UST: variants seen among roughly 807,000 people sequenced by gnomAD.
The protein encoded by UST is chondroitin sulfate 2-O-sulfotransferase.
UST carries 21 observed loss-of-function variants against 45.6 expected under a neutral mutation model. That is an observed-to-expected ratio of 0.46 (90% confidence interval 0.33 to 0.66). UST has a LOEUF of 0.66. Among genes scored for constraint, UST ranks in the 30% least tolerant of loss-of-function variants. UST has a pLI of 0.02. For missense variants in UST, 463 were observed against 512.4 expected, an observed-to-expected ratio of 0.90 and a Z score of 0.93; for synonymous variants, 215 against 200.6, an observed-to-expected ratio of 1.07 and a Z score of -0.61.
chr6:148,813,616 G>C (rs1198635536), intron 1 of UST, among the ~76,000 whole-genome samples: 4 of 152,164 alleles, frequency 2.6e-5, no homozygotes. Context: ...TCCTGACCTT[G>C]TGATCCACCC....
chr6:149,036,443 T>A (rs1364997212), intron 7 of UST, among the ~76,000 whole-genome samples: 1 of 152,234 alleles, frequency 6.6e-6, no homozygotes, highest in Non-Finnish European at 1.5e-5. Context: ...CAGCATTTTA[T>A]CCATCTTTTA....
intron 7 of UST, among the ~76,000 whole-genome samples, chr6:149,028,152 C>G (rs1776078033): frequency 6.6e-6 from 1 of 152,112 alleles, no homozygotes; most frequent in Admixed American, 6.6e-5. Flanking sequence ...CCTAGTATGT[C>G]ATAATGATTA....
rs186126719 is a variant in UST at position 149,017,505 on chromosome 6, C to T, written c.682-1634C>T. ...ACCACCAGAAAAAACTGCTTTCAAT[C>T]GTGTGCTGTGTCTCCTTCCAGATCC... On this transcript the variant is annotated intron_variant, in intron 5 of 7. Transcript: ENST00000367463. 3.5e-4 allele frequency among the ~76,000 whole-genome samples: 54 copies of T among 152,256 alleles called. No individual in the cohort carries two copies. The East Asian group carries it at 8.9e-3, about 25-fold the overall frequency.
At chr6:148,970,978 CAT>C (rs984156690) in intron 5 of UST, among the ~76,000 whole-genome samples, 4 of 152,320 alleles carry the variant, frequency 2.6e-5, no homozygotes, top group East Asian at 3.9e-4. Context: ...TACAAGGTAA[CAT>C]ATTCACAGGT....
intron 2 of UST, among the ~76,000 whole-genome samples, chr6:148,928,016 G>A (rs1408664615): frequency 6.6e-6 from 1 of 152,232 alleles, no homozygotes; most frequent in African/African-American, 2.4e-5. Context: ...GCCTGGAGGG[G>A]AGGTATTTGT....
chr6:148,995,270 G>T (rs565283713), intron 5 of UST, among the ~76,000 whole-genome samples: 1 of 152,144 alleles, frequency 6.6e-6, no homozygotes, highest in African/African-American at 2.4e-5. Context: ...TGATCCGCCC[G>T]CCTCGGCCTC....
intron 1 of UST, among the ~76,000 whole-genome samples, chr6:148,763,457 GTTGT>G (rs1376450815): frequency 6.6e-6 from 1 of 152,132 alleles, no homozygotes; most frequent in Admixed American, 6.6e-5. Flanking sequence ...CTTTCTGCAA[GTTGT>G]TTGTTTACTC....
Position 148,780,088 on chromosome 6 carries a change from T to TACAC in UST, c.247+32425_247+32428dup, listed in dbSNP as rs539630954. Among the ~76,000 whole-genome samples the TACAC allele has an allele frequency of 5.3e-5, 6 of 112,644 alleles. No homozygotes were observed. In the East Asian group the frequency reaches 1.7e-3, roughly 31 times the overall value. The allele number at this position is 112,644 out of a possible 152,430, so 73.9% of individuals were successfully genotyped here. A position where few individuals can be genotyped will look rare whatever the true frequency, so the allele number is the denominator to read the frequency against. On this transcript the variant is annotated intron_variant, in intron 1 of 7. Coordinates refer to ENST00000367463, the MANE Select transcript of UST (RefSeq NM_005715.3). ...ACAAATACATGTGTGTGTATATATA[T>TACAC]ACACACACACACACACAAATACATG...
intron 1 of UST, among the ~76,000 whole-genome samples, chr6:148,792,798 A>G (rs1193140557): frequency 6.6e-6 from 1 of 152,242 alleles, no homozygotes; most frequent in African/African-American, 2.4e-5. Context: ...CATGAATAGG[A>G]ACTCAAACAC....
At chr6:148,895,664 A>G (rs1345522298) in intron 2 of UST, among the ~76,000 whole-genome samples, 1 of 152,236 alleles carries the variant, frequency 6.6e-6, no homozygotes, top group African/African-American at 2.4e-5. Flanking sequence ...TCCATCTCAC[A>G]AGATCTGATG....
rs145800847 is a variant in UST at position 149,002,936 on chromosome 6, A to G, written c.682-16203A>G. The stretch of plus-strand genomic sequence containing the variant: ...TATTATAAACTACAAATAAAGGAAA[A>G]TCAATCCAGTTATTCATTGGTCGCT... On this transcript the variant is annotated intron_variant, in intron 5 of 7. Transcript: ENST00000367463. Among the ~76,000 whole-genome samples, 1,077 of 152,332 alleles carry G rather than the reference A, an allele frequency of 7.1e-3. 12 individuals are homozygous for G. The highest frequency in any genetic ancestry group is 0.025 in the African/African-American group (1,038 of 41,560).
At chr6:148,949,164 G>A (rs893293881) in intron 3 of UST, among the ~76,000 whole-genome samples, 18 of 151,800 alleles carry the variant, frequency 1.2e-4, no homozygotes, top group South Asian at 6.2e-4. Flanking sequence ...GGTGGCAGGC[G>A]CCTATAATCC....
intron 7 of UST, among the ~76,000 whole-genome samples, chr6:149,053,346 T>G (rs1264017247): frequency 4.6e-5 from 7 of 152,226 alleles, no homozygotes. Flanking sequence ...GGCCTTCAGA[T>G]ATTTCCACAA....
intron 1 of UST, among the ~76,000 whole-genome samples, chr6:148,797,833 G>C (rs1776981960): frequency 6.6e-6 from 1 of 152,178 alleles, no homozygotes; most frequent in Non-Finnish European, 1.5e-5. Context: ...CATTCAACAT[G>C]TCTAGAGCCT....
intron 5 of UST, among the ~76,000 whole-genome samples, chr6:148,981,520 C>T (rs1207667528): frequency 2.0e-5 from 3 of 152,190 alleles, no homozygotes; most frequent in African/African-American, 4.8e-5. Flanking sequence ...CCATTGCCTC[C>T]GTGGAGCTTA....
At chr6:149,070,893 G>A (rs1329725567) in intron 7 of UST, among the ~76,000 whole-genome samples, 1 of 152,078 alleles carries the variant, frequency 6.6e-6, no homozygotes, top group Admixed American at 6.5e-5. Context: ...TCAGGCTCCC[G>A]AGTAGCTGGG....
chr6:149,048,480 G>T (rs1422520235), intron 7 of UST, among the ~76,000 whole-genome samples: 1 of 151,362 alleles, frequency 6.6e-6, no homozygotes, highest in Non-Finnish European at 1.5e-5. Context: ...AGGTTGTAGT[G>T]AGCCGAGATG....
At chr6:148,872,401 G>T (rs914350232) in intron 1 of UST, among the ~76,000 whole-genome samples, 2 of 150,800 alleles carry the variant, frequency 1.3e-5, no homozygotes, top group African/African-American at 5.0e-5. Flanking sequence ...TTTTGAAGTT[G>T]TGGGAAACCT....
intron 1 of UST, among the ~76,000 whole-genome samples, chr6:148,877,841 G>A (rs1582871824): frequency 3.6e-5 from 5 of 137,486 alleles, no homozygotes; most frequent in South Asian, 2.5e-4. Context: ...AGTGCGAGGG[G>A]TCGTGTACGA....
Sources: gnomAD v4.1 joint callset for allele counts (sites outside exome capture counted in the v4.1 genomes callset) on GRCh38, gnomAD v4.1.1 for gene constraint, MANE v1.5 for transcripts, NCBI Gene and HGNC (gene_info 2026-07-23, HGNC 2026-07-21) for gene names.